The following SHTN1 variants were observed in gnomAD, a reference collection of about 807,000 sequenced individuals.
The protein encoded by SHTN1 is shootin-1.
SHTN1 carries 42 observed loss-of-function variants against 83.1 expected under a neutral mutation model. The observed-to-expected ratio is 0.51, with a 90% CI of 0.39 to 0.65. The LOEUF is 0.65. Among genes scored for constraint, SHTN1 ranks in the 30% least tolerant of loss-of-function variants. The probability of loss-of-function intolerance (pLI) is 0.00; values close to 1 mark genes in which losing one functional copy is unlikely to be tolerated. For missense variants in SHTN1, 622 were observed against 737.8 expected (o/e 0.84, Z 1.82); for synonymous variants, 224 against 247.7 (o/e 0.90, Z 0.90).
intron 1 of SHTN1, among the ~76,000 whole-genome samples, chr10:117,064,336 A>G (rs1852941922): frequency 6.6e-6 from 1 of 152,180 alleles, no homozygotes; most frequent in African/African-American, 2.4e-5. Flanking sequence ...TCTCAGACAC[A>G]TTGGCTGTAT....
intron 1 of SHTN1, among the ~76,000 whole-genome samples, chr10:117,065,616 G>A (rs543720312): frequency 6.6e-5 from 10 of 150,872 alleles, no homozygotes; most frequent in East Asian, 2.0e-4. Context: ...TACTCAGGAC[G>A]CTGAGGCATG....
chr10:116,933,359 T>A lies in SHTN1; in HGVS notation c.859-3357A>T, dbSNP rs185764654. 5.2e-3 allele frequency among the ~76,000 whole-genome samples: 782 copies of A among 151,176 alleles called. 9 individuals carry two copies. Among genetic ancestry groups the A allele is most frequent in the African/African-American group, 0.018 (744 of 41,270 alleles). On this transcript the variant is annotated intron_variant, in intron 9 of 16. Coordinates refer to ENST00000355371, the MANE Select transcript of SHTN1 (RefSeq NM_001127211.3). ...CAGGCCCTGGTGTGTGATGTTCCCCTCCCTGTGTCCATGTGTTCTCATTGT... is the reference window on the plus strand; with the variant it reads ...CAGGCCCTGGTGTGTGATGTTCCCCACCCTGTGTCCATGTGTTCTCATTGT...
chr10:117,114,174 A>G (rs1363523783), intron 1 of SHTN1, among the ~76,000 whole-genome samples: 1 of 152,168 alleles, frequency 6.6e-6, no homozygotes, highest in Non-Finnish European at 1.5e-5. Context: ...ATGCCACTGT[A>G]CTCCAGTCTG....
rs1381405854 is a variant in SHTN1, at chr10:116,881,750, A to G, written c.*4594T>C. On this transcript the variant is annotated 3_prime_UTR_variant, in exon 17 of 17. Coordinates refer to ENST00000355371, the MANE Select transcript of SHTN1 (RefSeq NM_001127211.3). ...CTGAAGTACGGCGCCGTGTCTCCAC[A>G]TGGAGTTTCCTCTTCAACTTCACCA... is the stretch of plus-strand genomic sequence containing the variant. The G allele has an allele frequency of 1.8e-6, 2 of 1,111,264 alleles. No homozygotes were observed. The highest frequency in any genetic ancestry group is 1.2e-6 in the Non-Finnish European group (1 of 847,680). 68.8% of individuals were successfully genotyped at this position (1,111,264 alleles called of 1,614,324 possible). A position where few individuals can be genotyped will look rare whatever the true frequency, so the allele number is the denominator to read the frequency against.
chr10:117,005,305 C>T (rs1851978613), upstream of SHTN1: 1 of 1,409,304 alleles, frequency 7.1e-7, no homozygotes, highest in Non-Finnish European at 9.3e-7. Flanking sequence ...CGGGGCGGGC[C>T]CAGCAGTCCC....
chr10:116,974,622 G>A (rs565924845), intron 2 of SHTN1, among the ~76,000 whole-genome samples: 1 of 152,228 alleles, frequency 6.6e-6, no homozygotes, highest in Admixed American at 6.5e-5. Context: ...TCACCCAAAC[G>A]ACTTCTAATC....
intron 1 of SHTN1, among the ~76,000 whole-genome samples, chr10:117,062,094 A>C (rs1007194303): frequency 6.6e-6 from 1 of 152,186 alleles, no homozygotes; most frequent in African/African-American, 2.4e-5. Context: ...CCTTCCCGTC[A>C]CTGTGGCCTG....
Position 116,906,644 on chromosome 10 carries a change from G to A in SHTN1, c.1463C>T (p.Ala488Val). The change falls in exon 15 of 17, where the codon GCA (alanine) becomes GTA (valine). Residue 488 changes from alanine (A) to valine (V), a missense_variant. Ala to Val is a moderately conservative substitution (Grantham distance 64, BLOSUM62 0). Transcript: ENST00000355371. Reference sequence around the variant, plus strand: ...CGGCTTACTACTGCTATCTGCTTCTGCTGTCACCTTTCTGCGACGCAAAAT... The same window carrying A: ...CGGCTTACTACTGCTATCTGCTTCTACTGTCACCTTTCTGCGACGCAAAAT... ...ERILRRRKVT[A>V]EADSSSPTGI... 6.2e-7 allele frequency: 1 copy of A among 1,613,114 alleles called. No homozygotes were observed. The highest frequency in any genetic ancestry group is 8.5e-7 in the Non-Finnish European group (1 of 1,179,412).
chr10:117,117,920 A>T (rs1050408627), intron 1 of SHTN1, among the ~76,000 whole-genome samples: 25 of 152,198 alleles, frequency 1.6e-4, no homozygotes, highest in Non-Finnish European at 3.4e-4. Context: ...TAAGTCTAAG[A>T]CCTGAAACTA....
intron 1 of SHTN1, among the ~76,000 whole-genome samples, chr10:117,088,286 G>GT (rs1853379761): frequency 6.6e-6 from 1 of 152,152 alleles, no homozygotes; most frequent in Non-Finnish European, 1.5e-5. Context: ...TCACTACAGT[G>GT]TTTTGAGTCA....
At chr10:116,896,098 T>C (rs981640321) in intron 16 of SHTN1, among the ~76,000 whole-genome samples, 1 of 152,214 alleles carries the variant, frequency 6.6e-6, no homozygotes, top group African/African-American at 2.4e-5. Context: ...TGTGAATATA[T>C]ACTGATAAAG....
At chr10:116,998,950 A>C (rs1428702937) in intron 1 of SHTN1, among the ~76,000 whole-genome samples, 2 of 152,194 alleles carry the variant, frequency 1.3e-5, no homozygotes, top group African/African-American at 4.8e-5. Flanking sequence ...GTATTAAGCT[A>C]AACATGAGTT....
At chr10:116,926,713 T>TAA (rs74871135) in intron 11 of SHTN1, among the ~76,000 whole-genome samples, 12 of 136,564 alleles carry the variant, frequency 8.8e-5, no homozygotes, top group South Asian at 2.3e-4. Flanking sequence ...ATGAAAGGTT[T>TAA]AAAAAAAAAA....
rs1848895090 is a variant in SHTN1, at chr10:116,929,962, T to C, written c.899A>G (p.His300Arg). ...LEEQLENETL[H>R]KEIHNLKQQL... ...CTGTTTGAGGTTGTGTATTTCTTTGTGGAGTGTTTCATTTTCTAGTTGCTC... is the reference window on the plus strand; with the variant it reads ...CTGTTTGAGGTTGTGTATTTCTTTGCGGAGTGTTTCATTTTCTAGTTGCTC... The change falls in exon 10 of 17, where the codon CAC (histidine) becomes CGC (arginine). Residue 300 changes from histidine to arginine, a missense_variant. Around this residue, in one of 3 missense-constraint regions of SHTN1, gnomAD observed 383 missense variants for 455.8 expected, o/e 0.84. Transcript: ENST00000355371. 1.2e-6 allele frequency: 2 copies of C among 1,605,516 alleles called. No homozygotes were observed.
intron 1 of SHTN1, among the ~76,000 whole-genome samples, chr10:117,123,512 G>C (rs1444096738): frequency 2.0e-5 from 3 of 152,126 alleles, no homozygotes; most frequent in Non-Finnish European, 1.5e-5. Flanking sequence ...AGTGACCCCT[G>C]ACCTTGGGGG....
intron 15 of SHTN1, among the ~76,000 whole-genome samples, chr10:116,906,259 C>T (rs1322206965): frequency 6.6e-6 from 1 of 152,194 alleles, no homozygotes; most frequent in Non-Finnish European, 1.5e-5. Flanking sequence ...TGCTTAAGGG[C>T]AACCAGCTGG....
chr10:116,897,924 T>G (rs772684543), intron 16 of SHTN1, among the ~76,000 whole-genome samples: 29 of 152,204 alleles, frequency 1.9e-4, no homozygotes, highest in Non-Finnish European at 3.8e-4. Flanking sequence ...CTACAGGCTT[T>G]TATTGATTAA....
chr10:116,988,288 T>C (rs1045529855), intron 1 of SHTN1, among the ~76,000 whole-genome samples: 2 of 151,420 alleles, frequency 1.3e-5, no homozygotes, highest in Non-Finnish European at 2.9e-5. Flanking sequence ...AAAAAAGTCT[T>C]ATTTATTTAA....
At chr10:117,043,378 A>G (rs1589908776) in intron 2 of SHTN1, among the ~76,000 whole-genome samples, 1 of 152,140 alleles carries the variant, frequency 6.6e-6, no homozygotes, top group East Asian at 1.9e-4. Context: ...GGGTACAGAT[A>G]TGTTAGTTTA....
Sources: allele counts gnomAD v4.1 joint callset (sites outside exome capture counted in the v4.1 genomes callset), GRCh38; gene constraint gnomAD v4.1.1; regional missense constraint gnomAD v4.1.1; transcripts MANE v1.5; gene names NCBI Gene and HGNC (gene_info 2026-07-23, HGNC 2026-07-21).